Variants in POLN observed in about 807,000 individuals in gnomAD.
POLN encodes DNA polymerase N.
Under a neutral mutation model 113.5 loss-of-function variants are expected in POLN, and 108 were observed. That is an observed-to-expected ratio of 0.95 (90% confidence interval 0.81 to 1.12). The LOEUF (loss-of-function observed/expected upper bound fraction) is 1.12. Ranked by LOEUF, POLN falls within the 50% of genes most tolerant of loss-of-function variation. The probability of loss-of-function intolerance (pLI) is 0.00; values close to 1 mark genes in which losing one functional copy is unlikely to be tolerated. For synonymous variants in POLN, 386 were observed against 391.5 expected (o/e 0.99, Z 0.17); for missense variants, 1,097 against 1,077.1 (o/e 1.02, Z -0.26).
chr4:2,176,204 G>C (rs2108749501), intron 9 of POLN, 62 bp downstream of exon 9: 1 of 1,325,670 alleles, frequency 7.5e-7, no homozygotes, highest in East Asian at 2.3e-5. Flanking sequence ...GAGTGCGGGT[G>C]CCAATGAAAA....
intron 20 of POLN, among the ~76,000 whole-genome samples, chr4:2,092,099 G>A (rs946726491): frequency 1.1e-4 from 17 of 152,142 alleles, no homozygotes; most frequent in Non-Finnish European, 1.6e-4. Context: ...TGGCTCCCTT[G>A]GCACCAGGGA....
chr4:2,079,433 A>C, intron 23 of POLN: 2 of 985,442 alleles, frequency 2.0e-6, no homozygotes, highest in Non-Finnish European at 2.4e-6. Flanking sequence ...GCTGCCTGGC[A>C]TCAGTGTATA....
intron 19 of POLN, among the ~76,000 whole-genome samples, chr4:2,112,540 G>A (rs539046514): frequency 6.7e-6 from 1 of 150,368 alleles, no homozygotes; most frequent in African/African-American, 2.4e-5. Context: ...AATTTACAAG[G>A]AAAAAACAAA....
At chr4:2,131,523 T>C (rs1731728531) in intron 16 of POLN, among the ~76,000 whole-genome samples, 1 of 152,252 alleles carries the variant, frequency 6.6e-6, no homozygotes, top group South Asian at 2.1e-4. Flanking sequence ...CTCTAGCCTG[T>C]GTGACCCTTA....
chr4:2,157,748 A>C, intron 15 of POLN, 110 bp downstream of exon 15: 1 of 478,232 alleles, frequency 2.1e-6, no homozygotes, highest in Non-Finnish European at 3.3e-6. Flanking sequence ...AAAAAAAAAG[A>C]ATATTTAGAC....
intron 16 of POLN, among the ~76,000 whole-genome samples, chr4:2,133,428 A>G (rs531664517): frequency 2.0e-5 from 3 of 152,312 alleles, no homozygotes; most frequent in Non-Finnish European, 2.9e-5. Context: ...GTGCCCATCA[A>G]TGGGTGAATG....
intron 19 of POLN, among the ~76,000 whole-genome samples, chr4:2,122,228 C>T (rs376823946): frequency 6.6e-6 from 1 of 152,278 alleles, no homozygotes; most frequent in African/African-American, 2.4e-5. Context: ...AGTCTTCCTG[C>T]CTGAACTAAA....
intron 3 of POLN, among the ~76,000 whole-genome samples, chr4:2,217,963 G>C (rs1257687919): frequency 1.3e-5 from 2 of 152,196 alleles, no homozygotes; most frequent in Non-Finnish European, 2.9e-5. Flanking sequence ...AGGATGACTC[G>C]ACCAGTTAAC....
intron 13 of POLN, 137 bp from the exon 14 acceptor site, chr4:2,159,348 C>G (rs1199842144): frequency 5.8e-6 from 4 of 693,592 alleles, no homozygotes; most frequent in African/African-American, 5.4e-5. Flanking sequence ...ATAATAAACT[C>G]AAGTTTATCA....
In POLN at chr4:2,174,673, A is replaced by T; in HGVS notation, c.1309+18T>A. On this transcript the variant is annotated intron_variant, in intron 10 of 25. Transcript: ENST00000511885. Reference sequence around the variant, plus strand: ...CCCTCTAGAAAAATGGCTGTACTTCATCTTTATGGTAACTTACCTGCCAAA... The same window carrying T: ...CCCTCTAGAAAAATGGCTGTACTTCTTCTTTATGGTAACTTACCTGCCAAA... 1 of 1,589,540 alleles carries T rather than the reference A, an allele frequency of 6.3e-7. No homozygotes were observed.
intron 23 of POLN, chr4:2,079,409 G>A: frequency 1.0e-6 from 1 of 983,206 alleles, no homozygotes; most frequent in Non-Finnish European, 1.2e-6. Flanking sequence ...TGAGAACACT[G>A]TGGGGCACTA....
chr4:2,184,568 CT>C (rs1306500757), intron 7 of POLN, among the ~76,000 whole-genome samples: 1 of 136,262 alleles, frequency 7.3e-6, no homozygotes, highest in African/African-American at 3.4e-5. Context: ...TATATTTTAT[CT>C]TAAAAAAAAA....
At position 2,222,861 on chromosome 4, in the gene POLN, T is replaced by C. The variant is rs137877612; in HGVS notation, c.133+6238A>G. On this transcript the variant is annotated intron_variant, in intron 3 of 25. Transcript: ENST00000511885. ...GACAAACCCACCTTGAGCCAAAATT[T>C]TAACTCCACTGCTACCATCTGTATT... Among the ~76,000 whole-genome samples, 276 of 152,220 alleles carry C rather than the reference T, an allele frequency of 1.8e-3. 1 individual carries two copies. Among genetic ancestry groups the C allele is most frequent in the South Asian group, 2.7e-3 (13 of 4,820 alleles).
intron 5 of POLN, among the ~76,000 whole-genome samples, chr4:2,205,021 A>C (rs1733809419): frequency 6.6e-6 from 1 of 152,216 alleles, no homozygotes; most frequent in Non-Finnish European, 1.5e-5. Context: ...TCACCCTGAG[A>C]ACTGGAACAA....
At chr4:2,209,332 T>C (rs1025656171) in intron 4 of POLN, among the ~76,000 whole-genome samples, 6 of 151,316 alleles carry the variant, frequency 4.0e-5, no homozygotes, top group Non-Finnish European at 1.5e-5. Flanking sequence ...ATACAAAAAT[T>C]AGTTGGGCAT....
chr4:2,218,855 T>G (rs1004290407), intron 3 of POLN, among the ~76,000 whole-genome samples: 1 of 152,188 alleles, frequency 6.6e-6, no homozygotes, highest in Non-Finnish European at 1.5e-5. Flanking sequence ...TGGTGTCAAT[T>G]GTTATTCTCC....
chr4:2,216,269 G>A (rs1232040634), intron 3 of POLN, among the ~76,000 whole-genome samples: 1 of 152,226 alleles, frequency 6.6e-6, no homozygotes, highest in Non-Finnish European at 1.5e-5. Flanking sequence ...CCCTTTGAGA[G>A]TCAAGACCTT....
chr4:2,215,563 CCAGT>C (rs1266358292), intron 3 of POLN, among the ~76,000 whole-genome samples: 1 of 152,148 alleles, frequency 6.6e-6, no homozygotes. Context: ...AGTCACTGGA[CCAGT>C]CACTCCTGGG....
At chr4:2,148,242 T>C (rs984592467) in intron 16 of POLN, among the ~76,000 whole-genome samples, 1 of 151,318 alleles carries the variant, frequency 6.6e-6, no homozygotes, top group Non-Finnish European at 1.5e-5. Context: ...CAGAAGAAAA[T>C]CCAAGGAAAA....
Sources: gnomAD v4.1 joint callset for allele counts (sites outside exome capture counted in the v4.1 genomes callset) on GRCh38, gnomAD v4.1.1 for gene constraint, MANE v1.5 for transcripts, NCBI Gene and HGNC (gene_info 2026-07-23, HGNC 2026-07-21) for gene names.